The following LSAMP variants were observed in gnomAD, a reference collection of about 807,000 sequenced individuals.
The protein encoded by LSAMP is limbic system-associated membrane protein.
In LSAMP, 7 loss-of-function variants were observed where a neutral mutation model predicts 38.6. That is an observed-to-expected ratio of 0.18 (90% confidence interval 0.10 to 0.34). LSAMP has a LOEUF of 0.34. LSAMP is among the 10% of genes least tolerant of loss of function. The pLI, the probability that LSAMP is intolerant of heterozygous loss-of-function variation, is 1.00. For synonymous variants in LSAMP, 154 were observed against 166.8 expected, an observed-to-expected ratio of 0.92 and a Z score of 0.59; for missense variants, 313 against 420.0, an observed-to-expected ratio of 0.75 and a Z score of 2.23.
intron 1 of LSAMP, among the ~76,000 whole-genome samples, chr3:116,207,785 G>C (rs1278236458): frequency 6.6e-6 from 1 of 152,112 alleles, no homozygotes; most frequent in African/African-American, 2.4e-5. Context: ...CTGTTAGTCT[G>C]ATGGGCTTCC....
At chr3:116,271,786 A>G (rs1212845562) in intron 1 of LSAMP, among the ~76,000 whole-genome samples, 1 of 152,080 alleles carries the variant, frequency 6.6e-6, no homozygotes, top group East Asian at 1.9e-4. Context: ...CTGCACTTTC[A>G]TTACTGTTCC....
At chr3:116,203,081 G>A (rs1305124682) in intron 1 of LSAMP, among the ~76,000 whole-genome samples, 1 of 152,102 alleles carries the variant, frequency 6.6e-6, no homozygotes, top group Non-Finnish European at 1.5e-5. Flanking sequence ...CAAATAATAA[G>A]AGCTTTATTT....
chr3:116,162,785 AC>A (rs1274749301), intron 1 of LSAMP, among the ~76,000 whole-genome samples: 1 of 151,616 alleles, frequency 6.6e-6, no homozygotes, highest in Non-Finnish European at 1.5e-5. Context: ...ACACACACAC[AC>A]ACACACACAC....
intron 3 of LSAMP, among the ~76,000 whole-genome samples, chr3:115,882,467 C>A (rs60864142): frequency 6.6e-6 from 1 of 151,988 alleles, no homozygotes; most frequent in Non-Finnish European, 1.5e-5. Context: ...AAGTGGTTTT[C>A]TTGATTCACA....
chr3:116,244,435 G>A lies in LSAMP; in HGVS notation c.156-157879C>T, dbSNP rs533900820. The stretch of plus-strand genomic sequence containing the variant: ...TCCCACCTAACATGTCCTCTATGAA[G>A]TCATTATCTTCCCTTCCAAACATTT... On this transcript the variant is annotated intron_variant, in intron 1 of 6. Coordinates refer to ENST00000490035, the MANE Select transcript of LSAMP (RefSeq NM_002338.5). 3.3e-5 allele frequency among the ~76,000 whole-genome samples: 5 copies of A among 152,230 alleles called. No individual in the cohort carries two copies. The South Asian group carries it at 1.0e-3, about 32-fold the overall frequency.
At chr3:116,021,845 G>A (rs140085386) in intron 2 of LSAMP, among the ~76,000 whole-genome samples, 1,845 of 151,608 alleles carry the variant, frequency 0.012, 39 homozygotes, top group African/African-American at 0.041. Context: ...GAGATAGAGC[G>A]AAGACTTTGC....
intron 1 of LSAMP, among the ~76,000 whole-genome samples, chr3:116,267,319 TACTTA>T (rs1169975928): frequency 1.3e-5 from 2 of 152,186 alleles, no homozygotes; most frequent in Admixed American, 6.5e-5. Context: ...TTGGATCTAT[TACTTA>T]ACTTGAAGTA....
intron 1 of LSAMP, among the ~76,000 whole-genome samples, chr3:116,152,722 G>A (rs1232594094): frequency 6.6e-6 from 1 of 152,088 alleles, no homozygotes; most frequent in Non-Finnish European, 1.5e-5. Flanking sequence ...GATCATGTGA[G>A]TTGGGATGTA....
At chr3:116,411,421 A>C (rs2048975409) in intron 1 of LSAMP, among the ~76,000 whole-genome samples, 1 of 151,974 alleles carries the variant, frequency 6.6e-6, no homozygotes, top group South Asian at 2.1e-4. Context: ...TGTGGCACAT[A>C]GACACCATGG....
chr3:116,264,193 G>C (rs1416199066), intron 1 of LSAMP, among the ~76,000 whole-genome samples: 1 of 152,008 alleles, frequency 6.6e-6, no homozygotes, highest in African/African-American at 2.4e-5. Flanking sequence ...GTATCTCCCT[G>C]GTCTCTTACT....
At chr3:115,812,612 C>T (rs978175592) in intron 6 of LSAMP, among the ~76,000 whole-genome samples, 5 of 152,202 alleles carry the variant, frequency 3.3e-5, no homozygotes, top group African/African-American at 7.2e-5. Context: ...ATGGCAAGAG[C>T]TCCTTGGCAT....
At chr3:116,420,795 T>C (rs2107854442) in intron 1 of LSAMP, among the ~76,000 whole-genome samples, 1 of 152,230 alleles carries the variant, frequency 6.6e-6, no homozygotes, top group Non-Finnish European at 1.5e-5. Flanking sequence ...GAAAATCACT[T>C]GAACCCGGGA....
At chr3:115,933,812 G>A (rs1009283480) in intron 3 of LSAMP, among the ~76,000 whole-genome samples, 3 of 152,230 alleles carry the variant, frequency 2.0e-5, no homozygotes, top group African/African-American at 7.2e-5. Context: ...CAAAGCTGCA[G>A]TGCCCTCCGC....
At chr3:115,840,357 C>A (rs149115529) in intron 6 of LSAMP, among the ~76,000 whole-genome samples, 9 of 152,036 alleles carry the variant, frequency 5.9e-5, no homozygotes, top group South Asian at 2.1e-4. Flanking sequence ...CCGCACCCCC[C>A]CTCTCCCGCT....
At chr3:115,814,265 G>A (rs913100695) in intron 6 of LSAMP, 2 of 152,190 alleles carry the variant, frequency 1.3e-5, no homozygotes, top group African/African-American at 4.8e-5. Context: ...AACATGCCAG[G>A]TCAAGGTTCT....
At chr3:116,110,921 G>C (rs1008581373) in intron 1 of LSAMP, among the ~76,000 whole-genome samples, 15 of 152,096 alleles carry the variant, frequency 9.9e-5, no homozygotes, top group Non-Finnish European at 2.1e-4. Context: ...GGTAGGGGTG[G>C]GGCCGTTTTA....
At chr3:116,084,251 T>G (rs1707937251) in intron 2 of LSAMP, among the ~76,000 whole-genome samples, 1 of 152,074 alleles carries the variant, frequency 6.6e-6, no homozygotes, top group South Asian at 2.1e-4. Flanking sequence ...TTTAATTTCA[T>G]TTGCACTGCC....
rs1344419029 is a variant in LSAMP, at chr3:116,055,263, C to A, written c.388+31061G>T. Among the ~76,000 whole-genome samples, 7 of 152,128 alleles carry A rather than the reference C, an allele frequency of 4.6e-5. No individual in the cohort carries two copies. The East Asian group carries it at 7.7e-4, about 17-fold the overall frequency. On this transcript the variant is annotated intron_variant, in intron 2 of 6. Coordinates refer to ENST00000490035, the MANE Select transcript of LSAMP (RefSeq NM_002338.5). Reference sequence around the variant, plus strand: ...GTTACTGCATGGTTACTGACATGCGCTATTTGTCATGCACAGTGGTACACT... The same window carrying A: ...GTTACTGCATGGTTACTGACATGCGATATTTGTCATGCACAGTGGTACACT...
intron 1 of LSAMP, among the ~76,000 whole-genome samples, chr3:116,103,191 C>T (rs1708385976): frequency 6.6e-6 from 1 of 151,946 alleles, no homozygotes; most frequent in African/African-American, 2.4e-5. Flanking sequence ...GTAGACTGGG[C>T]ACAGTGGCTC....
Sources: gnomAD v4.1 joint callset for allele counts (sites outside exome capture counted in the v4.1 genomes callset) on GRCh38, gnomAD v4.1.1 for gene constraint, MANE v1.5 for transcripts, NCBI Gene and HGNC (gene_info 2026-07-23, HGNC 2026-07-21) for gene names.